FHIT: variants seen among roughly 807,000 people sequenced by gnomAD.
FHIT encodes bis(5'-adenosyl)-triphosphatase.
Under a neutral mutation model 17.9 loss-of-function variants are expected in FHIT, and 19 were observed. That is an observed-to-expected ratio of 1.06 (90% CI 0.74 to 1.56). The LOEUF is 1.56. Among genes scored for constraint, FHIT ranks in the 40% most tolerant of loss-of-function variants. FHIT has a pLI of 0.00. For missense variants in FHIT, 248 were observed against 189.2 expected, an observed-to-expected ratio of 1.31 and a Z score of -1.82; for synonymous variants, 81 against 69.7, an observed-to-expected ratio of 1.16 and a Z score of -0.81.
intron 3 of FHIT, among the ~76,000 whole-genome samples, chr3:61,011,517 G>A (rs2031787746): frequency 6.6e-6 from 1 of 152,008 alleles, no homozygotes; most frequent in African/African-American, 2.4e-5. Context: ...AACTTAGGCT[G>A]TTACGTACCT....
At chr3:60,206,397 A>G (rs1703192218) in intron 5 of FHIT, among the ~76,000 whole-genome samples, 1 of 152,180 alleles carries the variant, frequency 6.6e-6, no homozygotes, top group South Asian at 2.1e-4. Flanking sequence ...CTTCAGGGTT[A>G]TGAGAGTTTC....
intron 8 of FHIT, among the ~76,000 whole-genome samples, chr3:59,897,709 G>C (rs1022005119): frequency 3.3e-5 from 5 of 151,142 alleles, no homozygotes; most frequent in African/African-American, 1.2e-4. Context: ...GATATAGCTT[G>C]AGCATCCCTA....
chr3:59,957,406 T>G (rs754712002), intron 7 of FHIT, among the ~76,000 whole-genome samples: 2 of 152,226 alleles, frequency 1.3e-5, no homozygotes, highest in African/African-American at 4.8e-5. Context: ...GTCTTTGGCT[T>G]CCAGCCTCCA....
intron 8 of FHIT, among the ~76,000 whole-genome samples, chr3:59,852,060 A>G (rs986243768): frequency 2.6e-5 from 4 of 152,200 alleles, no homozygotes. Flanking sequence ...AAACTGTTAC[A>G]TTGAGTAGTT....
At chr3:59,752,740 C>G (rs956567347) in intron 8 of FHIT, among the ~76,000 whole-genome samples, 3 of 151,688 alleles carry the variant, frequency 2.0e-5, no homozygotes, top group Admixed American at 6.6e-5. Flanking sequence ...TCCCTCCACT[C>G]TCTCTTCCTC....
intron 8 of FHIT, among the ~76,000 whole-genome samples, chr3:59,917,997 C>G (rs1705215245): frequency 6.6e-6 from 1 of 152,166 alleles, no homozygotes; most frequent in Non-Finnish European, 1.5e-5. Context: ...TTCCAGAGTA[C>G]CACAATTTGT....
chr3:60,372,652 A>C (rs1285084362), intron 5 of FHIT, among the ~76,000 whole-genome samples: 1 of 152,196 alleles, frequency 6.6e-6, no homozygotes, highest in African/African-American at 2.4e-5. Context: ...AAATATATAA[A>C]ATTAGTGACA....
At chr3:59,966,225 C>A (rs997582696) in intron 7 of FHIT, among the ~76,000 whole-genome samples, 2 of 152,086 alleles carry the variant, frequency 1.3e-5, no homozygotes, top group Non-Finnish European at 2.9e-5. Flanking sequence ...AGCTGGCACC[C>A]AAGAGAGAAA....
chr3:60,225,055 T>C (rs150784003), intron 5 of FHIT, among the ~76,000 whole-genome samples: 8 of 152,218 alleles, frequency 5.3e-5, no homozygotes, highest in Non-Finnish European at 1.2e-4. Flanking sequence ...ACTGGAGTAA[T>C]GCTTGCTAAG....
chr3:60,271,101 T>C (rs1706844695), intron 5 of FHIT, among the ~76,000 whole-genome samples: 1 of 152,136 alleles, frequency 6.6e-6, no homozygotes. Flanking sequence ...AAGTCACTAA[T>C]AGCTTGTTAG....
At chr3:60,127,720 C>G (rs1054272234) in intron 5 of FHIT, among the ~76,000 whole-genome samples, 20 of 152,260 alleles carry the variant, frequency 1.3e-4, no homozygotes, top group African/African-American at 4.6e-4. Context: ...CCCACCTCAG[C>G]CTCCTGAGTA....
intron 7 of FHIT, among the ~76,000 whole-genome samples, chr3:60,001,256 T>C (rs1309821625): frequency 6.6e-6 from 1 of 152,162 alleles, no homozygotes; most frequent in African/African-American, 2.4e-5. Flanking sequence ...TGGCACATAG[T>C]AGGCACTCAA....
At chr3:61,241,767 A>T (rs1467152304) in intron 1 of FHIT, among the ~76,000 whole-genome samples, 1 of 152,216 alleles carries the variant, frequency 6.6e-6, no homozygotes. Context: ...AAGTTACAGA[A>T]TCCTGAAAAT....
intron 3 of FHIT, among the ~76,000 whole-genome samples, chr3:60,863,841 GAAT>G (rs1251205958): frequency 6.6e-6 from 1 of 152,110 alleles, no homozygotes; most frequent in African/African-American, 2.4e-5. Flanking sequence ...AGGGAGTACA[GAAT>G]AATAATTACA....
At chr3:60,757,613 C>T (rs528069283) in intron 4 of FHIT, among the ~76,000 whole-genome samples, 2 of 152,252 alleles carry the variant, frequency 1.3e-5, no homozygotes, top group East Asian at 3.9e-4. Context: ...TGGGAAGTGG[C>T]AGCCCCTTGA....
At chr3:60,782,063 A>G (rs1424880887) in intron 4 of FHIT, among the ~76,000 whole-genome samples, 6 of 151,990 alleles carry the variant, frequency 3.9e-5, no homozygotes, top group South Asian at 2.1e-4. Flanking sequence ...CTCTGCTTCT[A>G]TGAGTTTGAT....
chr3:60,170,284 A>G (rs1701359214), intron 5 of FHIT, among the ~76,000 whole-genome samples: 1 of 152,214 alleles, frequency 6.6e-6, no homozygotes. Flanking sequence ...AGAACAAAGG[A>G]ATCACAGAAG....
chr3:60,989,526 T>A (rs561126748), intron 3 of FHIT, among the ~76,000 whole-genome samples: 2 of 152,098 alleles, frequency 1.3e-5, no homozygotes, highest in Non-Finnish European at 1.5e-5. Context: ...TCACAACAAC[T>A]CTAGGAGGTA....
intron 5 of FHIT, among the ~76,000 whole-genome samples, chr3:60,113,605 C>T (rs1704782479): frequency 6.6e-6 from 1 of 151,718 alleles, no homozygotes; most frequent in Non-Finnish European, 1.5e-5. Flanking sequence ...ATGACAGCTG[C>T]ATTGGAAAAC....
Sources: allele counts gnomAD v4.1 joint callset (sites outside exome capture counted in the v4.1 genomes callset), GRCh38; gene constraint gnomAD v4.1.1; transcripts MANE v1.5; gene names NCBI Gene and HGNC (gene_info 2026-07-23, HGNC 2026-07-21).